BCAS3: variants seen among roughly 807,000 people sequenced by gnomAD.
The protein encoded by BCAS3 is BCAS4/BCAS3 fusion.
Under a neutral mutation model 116.1 loss-of-function variants are expected in BCAS3, and 53 were observed. The observed-to-expected ratio is 0.46, with a 90% CI of 0.37 to 0.57. The LOEUF (loss-of-function observed/expected upper bound fraction) is 0.57. Ranked by LOEUF, BCAS3 falls within the 20% of genes least tolerant of loss-of-function variation. BCAS3 has a pLI of 0.00. For synonymous variants in BCAS3, 391 were observed against 408.2 expected, an observed-to-expected ratio of 0.96 and a Z score of 0.51; for missense variants, 917 against 1,165.4, an observed-to-expected ratio of 0.79 and a Z score of 3.10.
intron 11 of BCAS3, among the ~76,000 whole-genome samples, chr17:60,906,007 G>T (rs72843592): frequency 2.0e-5 from 3 of 152,196 alleles, no homozygotes; most frequent in Non-Finnish European, 4.4e-5. Context: ...GGAACCTCTC[G>T]GTTGAATATA....
intron 22 of BCAS3, among the ~76,000 whole-genome samples, chr17:61,110,467 A>C (rs1048953285): frequency 3.3e-5 from 5 of 152,206 alleles, no homozygotes; most frequent in Non-Finnish European, 5.9e-5. Flanking sequence ...TTTCCGAGTC[A>C]AAGAAAGGGG....
In BCAS3 at chr17:61,051,107, GA is replaced by G. The variant is rs1477099289; in HGVS notation, c.2029+10216del. Among the ~76,000 whole-genome samples, 1 of 151,984 alleles carries G rather than the reference GA, an allele frequency of 6.6e-6. No homozygotes were observed. The highest frequency in any genetic ancestry group is 1.5e-5 in the Non-Finnish European group (1 of 67,968). On this transcript the variant is annotated intron_variant, in intron 19 of 23. Coordinates refer to ENST00000407086, the MANE Select transcript of BCAS3 (RefSeq NM_017679.5). The surrounding 1 kb of genome is among the most constrained non-coding windows in gnomAD (Gnocchi z 4.1). ...TGAAATCAGATATACCCATATCTTT[GA>G]CAACTACTCAGATTTTTTTACAAGT... is the stretch of plus-strand genomic sequence containing the variant.
intron 22 of BCAS3, among the ~76,000 whole-genome samples, chr17:61,304,775 C>T (rs1030308313): frequency 1.3e-5 from 2 of 148,564 alleles, no homozygotes; most frequent in East Asian, 2.0e-4. Flanking sequence ...TTTTTTGAGG[C>T]GGAGTTTCGC....
Position 61,214,855 on chromosome 17 carries a change from C to T in BCAS3, c.2425+130291C>T, listed in dbSNP as rs1472482669. Among the ~76,000 whole-genome samples the T allele has an allele frequency of 6.6e-6, 1 of 152,082 alleles. No homozygotes were observed. Among genetic ancestry groups the T allele is most frequent in the Non-Finnish European group, 1.5e-5 (1 of 68,008 alleles). On this transcript the variant is annotated intron_variant, in intron 22 of 23. Transcript: ENST00000407086. The surrounding 1 kb of genome is among the most constrained non-coding windows in gnomAD (Gnocchi z 4.4). ...AGAGTATGTTCTAGCTAAGGGTGTACTATAAAGGTGGTAACCAGTAGCTAG... is the reference window on the plus strand; with the variant it reads ...AGAGTATGTTCTAGCTAAGGGTGTATTATAAAGGTGGTAACCAGTAGCTAG...
rs1429221123 is a variant in BCAS3, at chr17:61,136,505, C to G, written c.2425+51941C>G. ...TCTACCCGTTAGATAGCAGCACGCCCCCTTCCCTCAGATGCCTCCAAATAT... is the reference window on the plus strand; with the variant it reads ...TCTACCCGTTAGATAGCAGCACGCCGCCTTCCCTCAGATGCCTCCAAATAT... On this transcript the variant is annotated intron_variant, in intron 22 of 23. Coordinates refer to ENST00000407086, the MANE Select transcript of BCAS3 (RefSeq NM_017679.5). This position sits in a 1 kb window ranked among gnomAD's most constrained non-coding sequence, Gnocchi z 4.4. Among the ~76,000 whole-genome samples the G allele has an allele frequency of 6.6e-6, 1 of 152,184 alleles. No individual in the cohort carries two copies. Among genetic ancestry groups the G allele is most frequent in the Non-Finnish European group, 1.5e-5 (1 of 68,022 alleles).
intron 5 of BCAS3, among the ~76,000 whole-genome samples, chr17:60,711,250 A>C (rs2037891945): frequency 6.6e-6 from 1 of 150,978 alleles, no homozygotes; most frequent in South Asian, 2.1e-4. Context: ...GACTTTTGGG[A>C]AGTGTAGTTG....
Position 61,087,061 on chromosome 17 carries a change from T to G in BCAS3, c.2425+2497T>G. On this transcript the variant is annotated intron_variant, in intron 22 of 23. Coordinates refer to ENST00000407086, the MANE Select transcript of BCAS3 (RefSeq NM_017679.5). The surrounding 1 kb of genome is among the most constrained non-coding windows in gnomAD (Gnocchi z 4.6). Reference sequence around the variant, plus strand: ...GGCTAAATAATTTGAGTTCTTTATGTAAACATATTTATGGGAAAATTTTGT... The same window carrying G: ...GGCTAAATAATTTGAGTTCTTTATGGAAACATATTTATGGGAAAATTTTGT... 2.0e-6 allele frequency: 2 copies of G among 984,968 alleles called. No individual in the cohort carries two copies. The highest frequency in any genetic ancestry group is 2.4e-6 in the Non-Finnish European group (2 of 829,524). The allele number at this position is 984,968 out of a possible 1,614,324, so 61.0% of individuals were successfully genotyped here. A position where few individuals can be genotyped will look rare whatever the true frequency, so the allele number is the denominator to read the frequency against.
chr17:60,700,765 G>A (rs554695030), intron 4 of BCAS3, among the ~76,000 whole-genome samples: 23 of 152,264 alleles, frequency 1.5e-4, no homozygotes, highest in Non-Finnish European at 2.8e-4. Context: ...TAGTTGCTGC[G>A]CAGTCTAAAA....
chr17:61,375,569 CTTTTTTT>C (rs909845597), intron 23 of BCAS3, among the ~76,000 whole-genome samples: 1 of 136,570 alleles, frequency 7.3e-6, no homozygotes, highest in East Asian at 2.1e-4. Context: ...TGTTAATTAT[CTTTTTTT>C]TTTTTTTTTT....
chr17:60,823,273 AGTT>A (rs1292939007), intron 7 of BCAS3, among the ~76,000 whole-genome samples: 2 of 152,218 alleles, frequency 1.3e-5, no homozygotes, highest in East Asian at 3.9e-4. Context: ...TTTAGTCCTA[AGTT>A]GTTGTTTGAT....
At chr17:61,183,536 T>C (rs977586808) in intron 22 of BCAS3, among the ~76,000 whole-genome samples, 1 of 152,198 alleles carries the variant, frequency 6.6e-6, no homozygotes, top group Non-Finnish European at 1.5e-5. Context: ...GTTAAGATGT[T>C]TAAAATGTCC....
At chr17:61,066,193 T>A (rs7359547) in intron 19 of BCAS3, among the ~76,000 whole-genome samples, 1 of 152,232 alleles carries the variant, frequency 6.6e-6, no homozygotes, top group Non-Finnish European at 1.5e-5. Context: ...GTACCTGTAG[T>A]TGATCAGCTA....
intron 23 of BCAS3, among the ~76,000 whole-genome samples, chr17:61,370,356 C>T (rs1327510523): frequency 1.3e-5 from 2 of 150,748 alleles, no homozygotes; most frequent in East Asian, 1.9e-4. Context: ...TGACCATATT[C>T]GATGTATGTT....
intron 22 of BCAS3, among the ~76,000 whole-genome samples, chr17:61,305,035 G>A (rs1040401617): frequency 3.9e-5 from 6 of 152,158 alleles, no homozygotes; most frequent in African/African-American, 1.4e-4. Flanking sequence ...GGGATTATAG[G>A]CATGAGCCAC....
chr17:61,348,114 T>A lies in BCAS3; in HGVS notation c.2426-20213T>A, dbSNP rs2057614355. 1.3e-5 allele frequency among the ~76,000 whole-genome samples: 2 copies of A among 152,084 alleles called. No individual in the cohort carries two copies. The highest frequency in any genetic ancestry group is 1.3e-4 in the Admixed American group (2 of 15,262). On this transcript the variant is annotated intron_variant, in intron 22 of 23. Coordinates refer to ENST00000407086, the MANE Select transcript of BCAS3 (RefSeq NM_017679.5). This position sits in a 1 kb window ranked among gnomAD's most constrained non-coding sequence, Gnocchi z 4.5. ...CTAGAATAATCCCAATGAGAACTGG[T>A]AAGAGCCTAAGCCCAGTGGCTAAGG...
At chr17:61,070,273 A>T (rs780695584) in intron 19 of BCAS3, 21 of 1,454,300 alleles carry the variant, frequency 1.4e-5, no homozygotes, top group Non-Finnish European at 2.0e-5. Flanking sequence ...TGGAGAGAAG[A>T]AGGCATATGT....
chr17:61,319,436 A>G (rs1404452018), intron 22 of BCAS3, among the ~76,000 whole-genome samples: 5 of 152,310 alleles, frequency 3.3e-5, no homozygotes, highest in African/African-American at 9.6e-5. Flanking sequence ...AATTATATCT[A>G]TTTATTCCAC....
chr17:60,792,431 G>A (rs2046858820), intron 6 of BCAS3, among the ~76,000 whole-genome samples: 1 of 152,220 alleles, frequency 6.6e-6, no homozygotes, highest in African/African-American at 2.4e-5. Context: ...CCCTTGGCAG[G>A]CATGGGATCC....
chr17:60,790,408 G>A (rs1286682371), intron 6 of BCAS3, among the ~76,000 whole-genome samples: 1 of 152,196 alleles, frequency 6.6e-6, no homozygotes, highest in African/African-American at 2.4e-5. Context: ...TGTTAAAGGT[G>A]AAGGCAAAAT....
Sources: allele counts gnomAD v4.1 joint callset (sites outside exome capture counted in the v4.1 genomes callset), GRCh38; gene constraint gnomAD v4.1.1; non-coding constraint Gnocchi (gnomAD v3.1); transcripts MANE v1.5; gene names NCBI Gene and HGNC (gene_info 2026-07-23, HGNC 2026-07-21).